Variants in RINT1 observed in about 807,000 individuals in gnomAD.
The protein encoded by RINT1 is RAD50 interactor 1.
RINT1 carries 75 observed loss-of-function variants against 97.7 expected under a neutral mutation model. The observed-to-expected ratio is 0.77, with a 90% CI of 0.64 to 0.93. The LOEUF (loss-of-function observed/expected upper bound fraction) is 0.93. Among genes scored for constraint, RINT1 ranks in the 40% least tolerant of loss-of-function variants. The pLI, the probability that RINT1 is intolerant of heterozygous loss-of-function variation, is 0.00. For synonymous variants in RINT1, 303 were observed against 326.3 expected (o/e 0.93, Z 0.77); for missense variants, 892 against 925.2 (o/e 0.96, Z 0.47).
chr7:105,532,824 T>C lies in RINT1; in HGVS notation c.43T>C (p.Cys15Arg). 18 of 1,614,134 alleles carry C rather than the reference T, an allele frequency of 1.1e-5. No homozygotes were observed. The highest frequency in any genetic ancestry group is 1.5e-5 in the Non-Finnish European group (18 of 1,179,996). ...CTTGTCACATCTGTTCTTCTTCTAG[T>C]GCTGCTCTGAAAGTGGTGACGAAAG... ...GEIGASPAAP[C>R]CSESGDERKN... The change falls in exon 2 of 15, where the codon TGC becomes CGC. Residue 15 changes from cysteine to arginine, a missense_variant and splice_region_variant. Transcript: ENST00000257700.
Position 105,547,234 on chromosome 7 carries a change from C to T in RINT1, c.740C>T (p.Pro247Leu), listed in dbSNP as rs1327540322. ...AQLHWPFIAPPQSQTVGLSRP... is the reference protein window; with the variant it reads ...AQLHWPFIAPLQSQTVGLSRP... The stretch of plus-strand genomic sequence containing the variant: ...CTTCATTGGCCATTCATCGCACCCC[C>T]TCAATCACAAACTGTTGGCTTAAGT... Residue 247 changes from proline (P) to leucine (L), a missense_variant, in exon 6 of 15, where the codon CCT (proline) becomes CTT (leucine). Transcript: ENST00000257700. 31 of 1,614,080 alleles carry T rather than the reference C, an allele frequency of 1.9e-5. No individual in the cohort carries two copies. Among genetic ancestry groups the T allele is most frequent in the Non-Finnish European group, 2.5e-5 (30 of 1,180,032 alleles).
At chr7:105,544,537 C>T (rs1434223198) in intron 4 of RINT1, among the ~76,000 whole-genome samples, 2 of 152,006 alleles carry the variant, frequency 1.3e-5, no homozygotes, top group African/African-American at 2.4e-5. Context: ...CGGGTTCAAG[C>T]GATTCTCCTG....
At chr7:105,565,842 G>C (rs1192255875) in intron 14 of RINT1, among the ~76,000 whole-genome samples, 194 bp downstream of exon 14, 4 of 152,150 alleles carry the variant, frequency 2.6e-5, no homozygotes, top group Non-Finnish European at 4.4e-5. Context: ...ACCTCAAAAA[G>C]TTTCAGAACT....
At chr7:105,541,232 C>T (rs1410453085) in intron 3 of RINT1, among the ~76,000 whole-genome samples, 4 of 151,484 alleles carry the variant, frequency 2.6e-5, no homozygotes, top group African/African-American at 4.9e-5. Context: ...AACCTCCTCC[C>T]GGTTCAAGTG....
chr7:105,546,759 C>A, intron 4 of RINT1, 151 bp from the exon 5 acceptor site: 2 of 583,530 alleles, frequency 3.4e-6, no homozygotes, highest in Non-Finnish European at 3.0e-6. Context: ...GCCTGTAATC[C>A]CAGCTACTGT....
In RINT1 at chr7:105,536,616, C is replaced by A. The variant is rs763669670; in HGVS notation, c.140C>A (p.Thr47Lys). The A allele has an allele frequency of 3.7e-6, 6 of 1,610,216 alleles. No individual in the cohort carries two copies. In the South Asian group the frequency reaches 6.7e-5, roughly 18 times the overall value. The part of the protein sequence containing the change: ...LIGSKQVSEG[T>K]DNGDLPSYVS... ...GGAAGTAAACAAGTCAGTGAAGGTA[C>A]AGATAATGGTGATCTCCCTTCTTAT... is the stretch of plus-strand genomic sequence containing the variant. The change falls in exon 3 of 15, where the codon ACA (threonine) becomes AAA (lysine). Residue 47 changes from threonine to lysine, a missense_variant. By Grantham distance (78) the Thr-to-Lys change is moderately conservative (BLOSUM62 -1). Transcript: ENST00000257700.
At position 105,539,993 on chromosome 7, in the gene RINT1, A is replaced by G. The variant is rs532821089; in HGVS notation, c.274-2415A>G. Among the ~76,000 whole-genome samples, 328 of 152,110 alleles carry G rather than the reference A, an allele frequency of 2.2e-3. 3 individuals are homozygous for G. Among genetic ancestry groups the G allele is most frequent in the African/African-American group, 7.6e-3 (314 of 41,506 alleles). On this transcript the variant is annotated intron_variant, in intron 3 of 14. Coordinates refer to ENST00000257700, the MANE Select transcript of RINT1 (RefSeq NM_021930.6). ...CACTGTTGATTGAAATTATTCTATA[A>G]TGTTCTTTGTATTTTGCTGATGACT...
chr7:105,560,516 G>A lies in RINT1; in HGVS notation c.1672-3217G>A, dbSNP rs1791392781. Among the ~76,000 whole-genome samples, 3 of 152,242 alleles carry A rather than the reference G, an allele frequency of 2.0e-5. No homozygotes were observed. In the South Asian group the frequency reaches 6.2e-4, roughly 32 times the overall value. On this transcript the variant is annotated intron_variant, in intron 11 of 14. Coordinates refer to ENST00000257700, the MANE Select transcript of RINT1 (RefSeq NM_021930.6). Reference sequence around the variant, plus strand: ...ACAAAGAGAGATGATTTAGGTTCATGTTGGGTAGTCAGAATTTTAATAGTA... The same window carrying A: ...ACAAAGAGAGATGATTTAGGTTCATATTGGGTAGTCAGAATTTTAATAGTA...
In RINT1 at chr7:105,551,568, AGTT is replaced by A. The variant is rs1790926259; in HGVS notation, c.1334_1336del (p.Phe445_Ala446delinsSer). ...GACATAATTGTTTTGTCTGCTTATC[AGTT>A]GCTCTTCAAAAAATGGACTCAATGC... On this transcript the variant is annotated splice_acceptor_variant and coding_sequence_variant, in exon 10 of 15. Coordinates refer to ENST00000257700, the MANE Select transcript of RINT1 (RefSeq NM_021930.6). LOFTEE classifies it high-confidence loss of function. 31 of 1,594,078 alleles carry A rather than the reference AGTT, an allele frequency of 1.9e-5. No homozygotes were observed. The highest frequency in any genetic ancestry group is 2.5e-5 in the Non-Finnish European group (29 of 1,170,644).
At chr7:105,532,406 G>C in intron 1 of RINT1, 49 bp downstream of exon 1, 1 of 1,572,204 alleles carries the variant, frequency 6.4e-7, no homozygotes, top group South Asian at 1.2e-5. Context: ...GGCCCATTGA[G>C]GTGGCACAGA....
At chr7:105,532,382 G>T in intron 1 of RINT1, 25 bp downstream of exon 1, 3 of 1,595,932 alleles carry the variant, frequency 1.9e-6, no homozygotes, top group East Asian at 2.3e-5. Flanking sequence ...GCGTCCCTGG[G>T]AGGGGACATT....
intron 5 of RINT1, 48 bp from the exon 6 acceptor site, chr7:105,547,136 G>A (rs756260046): frequency 3.7e-6 from 6 of 1,612,390 alleles, no homozygotes; most frequent in Non-Finnish European, 5.1e-6. Flanking sequence ...GGTATTTGGT[G>A]ATCATTTGGT....
intron 1 of RINT1, 136 bp downstream of exon 1, chr7:105,532,493 C>T (rs1338686030): frequency 4.2e-6 from 4 of 957,924 alleles, no homozygotes; most frequent in South Asian, 3.1e-5. Context: ...GATTAGAGGC[C>T]CTTGTAAGAC....
chr7:105,566,393 C>T (rs1215372072), intron 14 of RINT1: 1 of 152,046 alleles, frequency 6.6e-6, no homozygotes, highest in East Asian at 1.9e-4. Context: ...CATAGTAGCC[C>T]ACATCTGTAA....
chr7:105,550,845 C>G (rs184212262), intron 9 of RINT1, among the ~76,000 whole-genome samples: 105 of 152,124 alleles, frequency 6.9e-4, no homozygotes, highest in African/African-American at 2.2e-3. Flanking sequence ...ACCTCCACCC[C>G]CTGCGTTCAA....
rs1586235354 is a variant in RINT1 at position 105,547,291 on chromosome 7, A to G, written c.797A>G (p.Tyr266Cys). The G allele has an allele frequency of 1.2e-6, 2 of 1,614,174 alleles. No individual in the cohort carries two copies. Among genetic ancestry groups the G allele is most frequent in the Non-Finnish European group, 1.7e-6 (2 of 1,179,994 alleles). The change falls in exon 6 of 15, where the codon TAC becomes TGC. Residue 266 changes from tyrosine (Y) to cysteine (C), a missense_variant. Transcript: ENST00000257700. ...GCCAGTGCCCCGGAGATATACAGTT[A>G]CCTGGAGACACTGTTTTGTCAGCTT... ...RPASAPEIYS[Y>C]LETLFCQLLK...
chr7:105,544,406 TTTTAACA>T (rs905998271), intron 4 of RINT1, among the ~76,000 whole-genome samples: 20 of 152,006 alleles, frequency 1.3e-4, no homozygotes, highest in Admixed American at 1.0e-3. Context: ...TTCTTCTTTT[TTTTAACA>T]TTTATTTTAT....
chr7:105,543,954 G>T (rs1340216797), intron 4 of RINT1, among the ~76,000 whole-genome samples: 1 of 151,556 alleles, frequency 6.6e-6, no homozygotes, highest in Non-Finnish European at 1.5e-5. Context: ...AAAGAAATTA[G>T]CCAGGCATGG....
rs557533198 is a variant in RINT1 at position 105,567,213 on chromosome 7, A to G, written c.2281A>G (p.Thr761Ala). The change falls in exon 15 of 15, where the codon ACA (threonine) becomes GCA (alanine). Residue 761 changes from threonine (T) to alanine (A), a missense_variant. Thr to Ala is a moderately conservative substitution (Grantham distance 58). Transcript: ENST00000257700. ...LQSASGQLPA[T>A]AALNEVGIYK... The stretch of plus-strand genomic sequence containing the variant: ...GTCAGCTTCAGGGCAGCTTCCTGCC[A>G]CAGCAGCATTAAATGAAGTTGGAAT... 1.2e-6 allele frequency: 2 copies of G among 1,613,368 alleles called. No individual in the cohort carries two copies. Among genetic ancestry groups the G allele is most frequent in the South Asian group, 2.2e-5 (2 of 90,818 alleles).
Sources: allele counts gnomAD v4.1 joint callset (sites outside exome capture counted in the v4.1 genomes callset), GRCh38; gene constraint gnomAD v4.1.1; transcripts MANE v1.5; gene names NCBI Gene and HGNC (gene_info 2026-07-23, HGNC 2026-07-21).